Variants in ACSF3 observed in about 807,000 individuals in gnomAD.
The protein encoded by ACSF3 is acyl-CoA synthetase family member 3, also known as malonate--CoA ligase ACSF3, mitochondrial.
Under a neutral mutation model 53.2 loss-of-function variants are expected in ACSF3, and 78 were observed. The ratio of observed to expected loss-of-function variants is 1.47; its 90% CI spans 1.22 to 1.77. ACSF3 has a LOEUF of 1.77. Ranked by LOEUF, ACSF3 falls within the 40% of genes most tolerant of loss-of-function variation. The pLI, the probability that ACSF3 is intolerant of heterozygous loss-of-function variation, is 0.00. For missense variants in ACSF3, 937 were observed against 771.1 expected (o/e 1.22, Z -2.55); for synonymous variants, 414 against 333.1 (o/e 1.24, Z -2.65).
At chr16:89,140,718 G>A (rs75575361) in intron 8 of ACSF3, among the ~76,000 whole-genome samples, 3 of 152,242 alleles carry the variant, frequency 2.0e-5, no homozygotes, top group East Asian at 1.9e-4. Context: ...TGCTTCCTCC[G>A]AGGCCCACAG....
In ACSF3 at chr16:89,112,099, A is replaced by T. The variant is rs756013969; in HGVS notation, c.830A>T (p.Glu277Val). 9.1e-5 allele frequency: 76 copies of T among 833,788 alleles called. No individual in the cohort carries two copies. The highest frequency in any genetic ancestry group is 1.1e-4 in the Non-Finnish European group (74 of 643,952). 51.6% of individuals were successfully genotyped at this position (833,788 alleles called of 1,614,324 possible). ...GCTTCCTTTCCTTCGTAGGTTTGGG[A>T]AAAGTTCTTAAGTTCTGAAACGCCG... Reference protein sequence around the residue: ...MPEFSPQQVWEKFLSSETPRI... With the variant: ...MPEFSPQQVWVKFLSSETPRI... The change falls in exon 5 of 11, where the codon GAA becomes GTA. Residue 277 changes from glutamate (E) to valine (V), a missense_variant. Physicochemically the swap from Glu to Val is moderately radical, Grantham distance 121. Transcript: ENST00000614302.
In ACSF3 at chr16:89,144,455, C is replaced by G. The variant is rs747523034; in HGVS notation, c.1367-812C>G. Among the ~76,000 whole-genome samples the G allele has an allele frequency of 1.1e-4, 17 of 152,358 alleles. No homozygotes were observed. In the South Asian group the frequency reaches 1.4e-3, roughly 13 times the overall value. ...GAAAGGCCCTGTCCTCCTCAGCCAC[C>G]AGCCCCTCCCTGTGGCCTCTGCGTG... On this transcript the variant is annotated intron_variant, in intron 8 of 10. Transcript: ENST00000614302.
chr16:89,127,417 T>C (rs1270639321), intron 7 of ACSF3, among the ~76,000 whole-genome samples: 2 of 152,116 alleles, frequency 1.3e-5, no homozygotes, highest in African/African-American at 4.8e-5. Context: ...CAGGCTGGAG[T>C]GCAGTGGTGC....
intron 10 of ACSF3, chr16:89,151,866 C>CG (rs1469877955): frequency 2.0e-5 from 3 of 152,236 alleles, no homozygotes; most frequent in Non-Finnish European, 4.4e-5. Context: ...CTCGGCCTCC[C>CG]GAAGTCCTGG....
intron 7 of ACSF3, among the ~76,000 whole-genome samples, chr16:89,125,698 A>AGAGAGAG (rs1555570978): frequency 6.6e-4 from 97 of 147,962 alleles, no homozygotes; most frequent in South Asian, 1.3e-3. Context: ...CAAAAAAAAA[A>AGAGAGAG]AGAGAGAGAG....
At chr16:89,123,794 C>T in intron 7 of ACSF3, among the ~76,000 whole-genome samples, 1 of 152,194 alleles carries the variant, frequency 6.6e-6, no homozygotes, top group Non-Finnish European at 1.5e-5. Flanking sequence ...AGTATCTGGA[C>T]CCTCCCCAGG....
chr16:89,118,453 G>T (rs1905749335), intron 6 of ACSF3, among the ~76,000 whole-genome samples: 1 of 152,216 alleles, frequency 6.6e-6, no homozygotes. Context: ...TCACTCTCAG[G>T]CTCTAACCCC....
intron 4 of ACSF3, among the ~76,000 whole-genome samples, chr16:89,106,366 C>T (rs1975986724): frequency 6.6e-6 from 1 of 151,326 alleles, no homozygotes; most frequent in Admixed American, 6.6e-5. Context: ...GATCTCGGCT[C>T]ACTGCAACCT....
At chr16:89,108,437 C>G (rs1372214047) in intron 4 of ACSF3, among the ~76,000 whole-genome samples, 1 of 152,146 alleles carries the variant, frequency 6.6e-6, no homozygotes, top group Non-Finnish European at 1.5e-5. Flanking sequence ...GTTTTTATTG[C>G]ACCTTCCCTT....
intron 4 of ACSF3, among the ~76,000 whole-genome samples, chr16:89,104,247 G>A (rs895509183): frequency 2.0e-5 from 3 of 152,244 alleles, no homozygotes; most frequent in Non-Finnish European, 4.4e-5. Flanking sequence ...AGTTTAACAC[G>A]TGAATGTATG....
chr16:89,131,013 G>A (rs981525135), intron 7 of ACSF3, among the ~76,000 whole-genome samples: 1 of 149,386 alleles, frequency 6.7e-6, no homozygotes, highest in Admixed American at 6.7e-5. Context: ...GTATTTTTCA[G>A]TTTTTAAATT....
At chr16:89,120,654 T>C (rs1346850799) in intron 6 of ACSF3, 147 bp from the exon 7 acceptor site, 20 of 799,990 alleles carry the variant, frequency 2.5e-5, no homozygotes, top group Non-Finnish European at 4.2e-5. Flanking sequence ...CCATCTTCTC[T>C]CTGGGTCACA....
chr16:89,112,750 C>G (rs1904308705), intron 5 of ACSF3, among the ~76,000 whole-genome samples: 1 of 152,234 alleles, frequency 6.6e-6, no homozygotes, highest in South Asian at 2.1e-4. Flanking sequence ...CTCTCTCTCT[C>G]TGTCATGGCG....
chr16:89,155,094 G>C lies in ACSF3; in HGVS notation c.*887G>C, dbSNP rs1002172311. ...CAGAAACCTCAGGAAGGTGTGTTGT[G>C]AATGTTGGGTGCACCCACGTTGCAT... On this transcript the variant is annotated 3_prime_UTR_variant, in exon 11 of 11. Coordinates refer to ENST00000614302, the MANE Select transcript of ACSF3 (RefSeq NM_001243279.3). The C allele has an allele frequency of 6.6e-6, 3 of 454,038 alleles. No homozygotes were observed. In the Admixed American group the frequency reaches 7.0e-5, roughly 11 times the overall value. The allele number at this position is 454,038 out of a possible 1,614,324, so 28.1% of individuals were successfully genotyped here.
rs7201122 is a variant in ACSF3 at position 89,100,732 on chromosome 16, G to T, written c.51G>T (p.Ala17=). Residue 17 remains alanine, a synonymous_variant, in exon 3 of 11, where the codon GCG becomes GCT. Transcript: ENST00000614302. ...LTFRRLGCAL[A]SCRLAPARHR... ...TCCGGCGCCTGGGCTGCGCCTTGGC[G>T]TCCTGCCGGCTGGCGCCTGCGAGAC... 2 of 1,604,348 alleles carry T rather than the reference G, an allele frequency of 1.2e-6. No homozygotes were observed. Among genetic ancestry groups the T allele is most frequent in the East Asian group, 4.5e-5 (2 of 44,840 alleles).
intron 7 of ACSF3, among the ~76,000 whole-genome samples, chr16:89,123,569 C>T (rs1281857316): frequency 6.6e-6 from 1 of 152,182 alleles, no homozygotes; most frequent in Non-Finnish European, 1.5e-5. Context: ...AGCGTCCCTC[C>T]CCAGAAGGTC....
intron 4 of ACSF3, among the ~76,000 whole-genome samples, chr16:89,105,691 C>T (rs564353576): frequency 6.6e-6 from 1 of 152,244 alleles, no homozygotes; most frequent in African/African-American, 2.4e-5. Context: ...CGGGCGCTGA[C>T]GGTGGCTGGT....
intron 8 of ACSF3, chr16:89,141,276 G>A: frequency 1.6e-6 from 2 of 1,287,282 alleles, no homozygotes; most frequent in Non-Finnish European, 2.0e-6. Flanking sequence ...CAGCAAGGCG[G>A]GTGAGGCGGG....
intron 8 of ACSF3, among the ~76,000 whole-genome samples, chr16:89,139,307 G>T (rs2151542999): frequency 6.6e-6 from 1 of 152,198 alleles, no homozygotes; most frequent in East Asian, 1.9e-4. Context: ...ACCGGGTCAG[G>T]ACGTCGGCTC....
Sources: gnomAD v4.1 joint callset for allele counts (sites outside exome capture counted in the v4.1 genomes callset) on GRCh38, gnomAD v4.1.1 for gene constraint, MANE v1.5 for transcripts, NCBI Gene and HGNC (gene_info 2026-07-23, HGNC 2026-07-21) for gene names.